Variants in ZFPM2 observed in about 807,000 individuals in gnomAD.
ZFPM2 encodes the protein zinc finger protein, FOG family member 2, also known as zinc finger protein ZFPM2.
A neutral mutation model predicts 98.6 loss-of-function variants in ZFPM2; 20 were observed. That is an observed-to-expected ratio of 0.20 (90% confidence interval 0.14 to 0.29). The LOEUF (loss-of-function observed/expected upper bound fraction) is 0.29, where lower values mean the gene tolerates loss of function less well. Ranked by LOEUF, ZFPM2 falls within the 10% of genes least tolerant of loss-of-function variation. The pLI is 1.00. For synonymous variants in ZFPM2, 518 were observed against 502.7 expected (o/e 1.03, Z -0.41); for missense variants, 1,310 against 1,388.6 (o/e 0.94, Z 0.90).
At chr8:105,456,380 C>A (rs762103422) in intron 3 of ZFPM2, among the ~76,000 whole-genome samples, 1 of 151,480 alleles carries the variant, frequency 6.6e-6, no homozygotes, top group Non-Finnish European at 1.5e-5. Flanking sequence ...TAGTAAACAA[C>A]CATTGTTGAT....
chr8:105,744,236 G>A (rs1812291180), intron 5 of ZFPM2, among the ~76,000 whole-genome samples: 2 of 152,024 alleles, frequency 1.3e-5, no homozygotes, highest in Admixed American at 1.3e-4. Context: ...CCCTGTGGAA[G>A]TTTATACTCT....
intron 4 of ZFPM2, among the ~76,000 whole-genome samples, chr8:105,571,279 TGAAGGCCTAAGGTG>T (rs1250339127): frequency 6.6e-6 from 1 of 152,212 alleles, no homozygotes; most frequent in African/African-American, 2.4e-5. Context: ...AACAGAATCA[TGAAGGCCTAAGGTG>T]GAAGTGGGTG....
intron 5 of ZFPM2, 50 bp downstream of exon 5, chr8:105,634,407 C>T: frequency 7.3e-7 from 1 of 1,368,484 alleles, no homozygotes; most frequent in South Asian, 1.2e-5. Context: ...AAAACCTGAG[C>T]ATTGCAAAAC....
chr8:105,452,848 G>C (rs1300151455), intron 3 of ZFPM2, among the ~76,000 whole-genome samples: 1 of 152,092 alleles, frequency 6.6e-6, no homozygotes, highest in Non-Finnish European at 1.5e-5. Flanking sequence ...TATTGGCATT[G>C]ATTTCCTTGT....
At chr8:105,418,561 T>G (rs1240801076) in intron 1 of ZFPM2, 1 of 515,626 alleles carries the variant, frequency 1.9e-6, no homozygotes, top group Non-Finnish European at 3.9e-6. Flanking sequence ...CAGAAAAAAT[T>G]CAATTAATTA....
intron 1 of ZFPM2, among the ~76,000 whole-genome samples, chr8:105,352,587 GT>G (rs111360013): frequency 0.01 from 1,467 of 140,978 alleles, 17 homozygotes; most frequent in African/African-American, 0.032. Flanking sequence ...CCATTTTACC[GT>G]TTTTTTTTTT....
At chr8:105,751,869 AT>A (rs1342148345) in intron 5 of ZFPM2, among the ~76,000 whole-genome samples, 1 of 151,588 alleles carries the variant, frequency 6.6e-6, no homozygotes, top group Non-Finnish European at 1.5e-5. Flanking sequence ...TGCATTTTTT[AT>A]TTAAATGGTT....
intron 1 of ZFPM2, among the ~76,000 whole-genome samples, chr8:105,323,038 T>C (rs1294730737): frequency 6.6e-6 from 1 of 151,674 alleles, no homozygotes; most frequent in Non-Finnish European, 1.5e-5. Context: ...TTAATATTTG[T>C]CACATGAAAA....
chr8:105,653,284 A>G (rs1209690768), intron 5 of ZFPM2, among the ~76,000 whole-genome samples: 2 of 152,140 alleles, frequency 1.3e-5, no homozygotes, highest in African/African-American at 4.8e-5. Context: ...AAAAAAAAAG[A>G]CCATTGTATG....
intron 3 of ZFPM2, among the ~76,000 whole-genome samples, chr8:105,488,799 A>C (rs559353253): frequency 6.6e-6 from 1 of 152,270 alleles, no homozygotes; most frequent in African/African-American, 2.4e-5. Flanking sequence ...ACTGGCCCAA[A>C]GTAAAAGAAT....
intron 4 of ZFPM2, among the ~76,000 whole-genome samples, chr8:105,603,046 T>C (rs1477564881): frequency 6.6e-6 from 1 of 152,160 alleles, no homozygotes; most frequent in Non-Finnish European, 1.5e-5. Flanking sequence ...ACATGGAGAA[T>C]AGTGATTCAT....
At chr8:105,443,332 A>AAAAAAAAAAC in intron 2 of ZFPM2, among the ~76,000 whole-genome samples, 1 of 150,694 alleles carries the variant, frequency 6.6e-6, no homozygotes, top group South Asian at 2.1e-4. Flanking sequence ...AAAACAAAAA[A>AAAAAAAAAAC]AAAAAAACTT....
At chr8:105,433,234 T>C (rs887664065) in intron 2 of ZFPM2, among the ~76,000 whole-genome samples, 9 of 152,220 alleles carry the variant, frequency 5.9e-5, no homozygotes, top group African/African-American at 2.2e-4. Flanking sequence ...TCTTATTTCA[T>C]GTGGAAATTT....
chr8:105,599,151 C>T (rs1816037496), intron 4 of ZFPM2, among the ~76,000 whole-genome samples: 1 of 152,026 alleles, frequency 6.6e-6, no homozygotes, highest in South Asian at 2.1e-4. Context: ...GGCCACCTTG[C>T]TCTCTTGAAA....
chr8:105,425,444 G>A (rs1356704966), intron 2 of ZFPM2, among the ~76,000 whole-genome samples: 1 of 152,184 alleles, frequency 6.6e-6, no homozygotes, highest in Non-Finnish European at 1.5e-5. Context: ...ACAGCAGTTT[G>A]GGGGTGTCTG....
At chr8:105,510,180 C>T (rs1414968462) in intron 3 of ZFPM2, among the ~76,000 whole-genome samples, 1 of 152,098 alleles carries the variant, frequency 6.6e-6, no homozygotes, top group East Asian at 1.9e-4. Flanking sequence ...ACAGCAGAAC[C>T]ATGATTACAG....
chr8:105,483,347 T>G (rs563492667), intron 3 of ZFPM2, among the ~76,000 whole-genome samples: 1 of 152,072 alleles, frequency 6.6e-6, no homozygotes, highest in African/African-American at 2.4e-5. Context: ...CCCAGCACTT[T>G]GGGAAGCTGA....
intron 4 of ZFPM2, among the ~76,000 whole-genome samples, chr8:105,615,481 T>C (rs1816395006): frequency 6.6e-6 from 1 of 152,194 alleles, no homozygotes; most frequent in African/African-American, 2.4e-5. Context: ...TCGAAGAGTG[T>C]GCATAGGTGT....
intron 2 of ZFPM2, among the ~76,000 whole-genome samples, chr8:105,440,858 T>C (rs547844755): frequency 1.8e-4 from 28 of 152,192 alleles, no homozygotes; most frequent in Non-Finnish European, 3.7e-4. Context: ...TGAACTCAAA[T>C]CAGAGGCCAA....
Sources: allele counts gnomAD v4.1 joint callset (sites outside exome capture counted in the v4.1 genomes callset), GRCh38; gene constraint gnomAD v4.1.1; transcripts MANE v1.5; gene names NCBI Gene and HGNC (gene_info 2026-07-23, HGNC 2026-07-21).